BCAS4: variants seen among roughly 807,000 people sequenced by gnomAD.
BCAS4 encodes breast carcinoma amplified sequence 4, also known as breast carcinoma-amplified sequence 4.
A neutral mutation model predicts 15.7 loss-of-function variants in BCAS4; 9 were observed. The ratio of observed to expected loss-of-function variants is 0.57; its 90% CI spans 0.34 to 1.00. The LOEUF is 1.00. BCAS4 is among the 50% of genes least tolerant of loss of function. BCAS4 has a pLI of 0.02. For synonymous variants in BCAS4, 101 were observed against 99.5 expected (o/e 1.02, Z -0.09); for missense variants, 225 against 239.1 (o/e 0.94, Z 0.39).
chr20:50,795,917 T>A (rs1469850103), intron 1 of BCAS4, among the ~76,000 whole-genome samples: 1 of 152,226 alleles, frequency 6.6e-6, no homozygotes, highest in Non-Finnish European at 1.5e-5. Flanking sequence ...TGTAGATATC[T>A]GTATCTGCCT....
chr20:50,840,521 T>G, intron 3 of BCAS4: 1 of 1,390,362 alleles, frequency 7.2e-7, no homozygotes, highest in Non-Finnish European at 1.0e-6. Context: ...TGATCCAACC[T>G]CTTTGCATCT....
intron 4 of BCAS4, among the ~76,000 whole-genome samples, chr20:50,849,068 C>A (rs1053525169): frequency 7.2e-5 from 11 of 152,336 alleles, no homozygotes; most frequent in South Asian, 4.1e-4. Flanking sequence ...AGCAGGTGTC[C>A]CCTTGGCCGG....
intron 1 of BCAS4, among the ~76,000 whole-genome samples, chr20:50,813,242 G>A (rs1024366011): frequency 5.3e-5 from 8 of 152,204 alleles, no homozygotes; most frequent in African/African-American, 1.9e-4. Context: ...CAGTGCGTGA[G>A]GCTTCCAATT....
chr20:50,858,580 T>C (rs560970622), intron 4 of BCAS4, among the ~76,000 whole-genome samples: 10 of 152,200 alleles, frequency 6.6e-5, no homozygotes, highest in Admixed American at 3.9e-4. Context: ...CCAGCCTGGG[T>C]GACTGAGTGA....
intron 3 of BCAS4, among the ~76,000 whole-genome samples, chr20:50,835,023 A>G (rs1359481207): frequency 6.6e-6 from 1 of 152,204 alleles, no homozygotes; most frequent in African/African-American, 2.4e-5. Flanking sequence ...ACGTTTGCGT[A>G]CAAGTTTTTG....
chr20:50,821,034 G>A (rs989825453), intron 2 of BCAS4, among the ~76,000 whole-genome samples: 1 of 152,172 alleles, frequency 6.6e-6, no homozygotes, highest in Non-Finnish European at 1.5e-5. Flanking sequence ...AGCATCGGCC[G>A]CCATGTCACG....
intron 1 of BCAS4, among the ~76,000 whole-genome samples, chr20:50,811,035 G>A (rs765109554): frequency 6.6e-6 from 1 of 152,182 alleles, no homozygotes; most frequent in Admixed American, 6.6e-5. Flanking sequence ...GGAAGTGAGA[G>A]ACAACTTTCA....
At chr20:50,856,041 G>A (rs986019983) in intron 4 of BCAS4, among the ~76,000 whole-genome samples, 5 of 152,178 alleles carry the variant, frequency 3.3e-5, no homozygotes, top group African/African-American at 1.2e-4. Context: ...TGTGGCATTC[G>A]CAGCACAGCC....
Position 50,818,232 on chromosome 20 carries a change from A to T in BCAS4, c.112A>T (p.Ile38Phe). The change falls in exon 2 of 5, where the codon ATC becomes TTC. Residue 38 changes from isoleucine to phenylalanine, a missense_variant. By Grantham distance (21) the Ile-to-Phe change is conservative. Coordinates refer to ENST00000371608, the MANE Select transcript of BCAS4 (RefSeq NM_198799.4). ...TCAGGCGAAGGAGGTGGAGGAGACC[A>T]TCGAGGGCATGCTCCTCAGGCTGGA... ...GAEAKEVEET[I>F]EGMLLRLEEF... 6.2e-7 allele frequency: 1 copy of T among 1,613,924 alleles called. No individual in the cohort carries two copies. Among genetic ancestry groups the T allele is most frequent in the Non-Finnish European group, 8.5e-7 (1 of 1,179,988 alleles).
chr20:50,845,973 C>G (rs959157332), intron 4 of BCAS4, among the ~76,000 whole-genome samples: 10 of 152,214 alleles, frequency 6.6e-5, no homozygotes. Flanking sequence ...CAGGAAGTGA[C>G]CTGTGGATAC....
chr20:50,869,167 T>C (rs751576832), intron 4 of BCAS4, among the ~76,000 whole-genome samples: 1 of 152,188 alleles, frequency 6.6e-6, no homozygotes, highest in African/African-American at 2.4e-5. Context: ...TTAGAAGTAG[T>C]GTCACCTGGT....
intron 4 of BCAS4, among the ~76,000 whole-genome samples, chr20:50,859,731 C>A (rs768640801): frequency 1.3e-5 from 2 of 151,994 alleles, no homozygotes; most frequent in Non-Finnish European, 2.9e-5. Context: ...GGTGGCCTGG[C>A]GCAGGTTGAG....
At chr20:50,798,434 G>T (rs1032801639) in intron 1 of BCAS4, among the ~76,000 whole-genome samples, 1 of 152,186 alleles carries the variant, frequency 6.6e-6, no homozygotes, top group South Asian at 2.1e-4. Context: ...AGTACTTTGG[G>T]AGGCCAAGAC....
At chr20:50,879,649 CAG>C (rs1491540714), downstream of BCAS4, 6 of 152,222 alleles carry the variant, frequency 3.9e-5, no homozygotes, top group Admixed American at 3.9e-4. Context: ...GCCCCTGAAA[CAG>C]GGGCCAGGGA....
chr20:50,841,580 C>T (rs991263994), intron 3 of BCAS4, among the ~76,000 whole-genome samples, 186 bp from the exon 4 acceptor site: 4 of 152,224 alleles, frequency 2.6e-5, no homozygotes, highest in Admixed American at 6.5e-5. Context: ...GAGCTGTGAC[C>T]GTTGTCAGGG....
chr20:50,813,625 A>T (rs1426250609), intron 1 of BCAS4, among the ~76,000 whole-genome samples: 1 of 142,648 alleles, frequency 7.0e-6, no homozygotes, highest in African/African-American at 2.5e-5. Flanking sequence ...GAACGAGAGG[A>T]TGATGGAGTT....
intron 1 of BCAS4, among the ~76,000 whole-genome samples, chr20:50,817,662 A>G (rs745358551): frequency 8.5e-5 from 13 of 152,192 alleles, no homozygotes; most frequent in Non-Finnish European, 1.8e-4. Context: ...GGGTTCTGCC[A>G]TGTTGGTCAG....
Position 50,857,374 on chromosome 20 carries a change from G to A in BCAS4, c.399+15474G>A, listed in dbSNP as rs1600893692. ...TTGAACTCCGGACCTCAGGTGATCC[G>A]CCTGCCTCAGCCTCCCAAAGTGCTG... is the stretch of plus-strand genomic sequence containing the variant. On this transcript the variant is annotated intron_variant, in intron 4 of 4. Transcript: ENST00000371608. 2.6e-5 allele frequency among the ~76,000 whole-genome samples: 4 copies of A among 152,048 alleles called. No homozygotes were observed. In the South Asian group the frequency reaches 8.3e-4, roughly 32 times the overall value.
At chr20:50,860,058 C>T (rs1978991458) in intron 4 of BCAS4, among the ~76,000 whole-genome samples, 2 of 152,064 alleles carry the variant, frequency 1.3e-5, no homozygotes, top group Admixed American at 1.3e-4. Context: ...ATTGCTTGGG[C>T]CTGGGAGGTT....
Sources: allele counts gnomAD v4.1 joint callset (sites outside exome capture counted in the v4.1 genomes callset), GRCh38; gene constraint gnomAD v4.1.1; transcripts MANE v1.5; gene names NCBI Gene and HGNC (gene_info 2026-07-23, HGNC 2026-07-21).